The following ST18 variants were observed in gnomAD, a reference collection of about 807,000 sequenced individuals.
The protein encoded by ST18 is suppression of tumorigenicity 18 protein.
ST18 carries 50 observed loss-of-function variants against 110.0 expected under a neutral mutation model. The ratio of observed to expected loss-of-function variants is 0.45; its 90% confidence interval spans 0.36 to 0.58. The LOEUF (loss-of-function observed/expected upper bound fraction) is 0.58. ST18 is among the 20% of genes least tolerant of loss of function. ST18 has a pLI of 0.00. For synonymous variants in ST18, 461 were observed against 452.4 expected, an observed-to-expected ratio of 1.02 and a Z score of -0.24; for missense variants, 1,306 against 1,280.1, an observed-to-expected ratio of 1.02 and a Z score of -0.31.
rs940787328 is a variant in ST18, at chr8:52,123,391, A to G, written c.2755+2661T>C. ...AGGTGTGTTGGTTTACATCTACTTTAAAGATCATCCAGAGAACAATTATTG... is the reference window on the plus strand; with the variant it reads ...AGGTGTGTTGGTTTACATCTACTTTGAAGATCATCCAGAGAACAATTATTG... On this transcript the variant is annotated intron_variant, in intron 23 of 25. Coordinates refer to ENST00000689386, the MANE Select transcript of ST18 (RefSeq NM_001352837.2). Among the ~76,000 whole-genome samples the G allele has an allele frequency of 2.0e-5, 3 of 152,228 alleles. No individual in the cohort carries two copies. In the East Asian group the frequency reaches 5.8e-4, roughly 29 times the overall value.
At chr8:52,217,342 A>G (rs1050514324) in intron 6 of ST18, among the ~76,000 whole-genome samples, 9 of 152,164 alleles carry the variant, frequency 5.9e-5, no homozygotes, top group Non-Finnish European at 1.2e-4. Context: ...AGTAAGGGTA[A>G]ACTCTGCCAC....
At chr8:52,304,504 G>A (rs2139595030) in intron 2 of ST18, among the ~76,000 whole-genome samples, 2 of 152,250 alleles carry the variant, frequency 1.3e-5, no homozygotes, top group East Asian at 3.9e-4. Context: ...CTTACTGGAA[G>A]GAAATTATCT....
At chr8:52,278,569 C>G (rs893900346) in intron 2 of ST18, among the ~76,000 whole-genome samples, 3 of 152,100 alleles carry the variant, frequency 2.0e-5, no homozygotes, top group African/African-American at 7.2e-5. Context: ...CTACCCCCAA[C>G]CCCTGCTCCT....
intron 2 of ST18, among the ~76,000 whole-genome samples, chr8:52,338,706 G>T (rs1250218655): frequency 6.6e-6 from 1 of 151,944 alleles, no homozygotes; most frequent in African/African-American, 2.4e-5. Flanking sequence ...TTACAGGTGT[G>T]AGCCATCACA....
intron 2 of ST18, among the ~76,000 whole-genome samples, chr8:52,251,371 G>GTA (rs929811454): frequency 2.6e-5 from 4 of 151,988 alleles, no homozygotes; most frequent in African/African-American, 9.7e-5. Context: ...ATGTATAGAT[G>GTA]TATATATATG....
chr8:52,232,752 A>G (rs1008882160), intron 2 of ST18, among the ~76,000 whole-genome samples: 1 of 152,072 alleles, frequency 6.6e-6, no homozygotes, highest in African/African-American at 2.4e-5. Flanking sequence ...TTTAGGAAGA[A>G]GGAAATAATA....
At chr8:52,165,041 T>A (rs2062497839) in intron 12 of ST18, 94 bp downstream of exon 12, 1 of 1,225,708 alleles carries the variant, frequency 8.2e-7, no homozygotes, top group African/African-American at 1.5e-5. Flanking sequence ...GATGCAGCAA[T>A]TTTCATCACA....
chr8:52,197,796 A>T (rs1010583134), intron 8 of ST18, among the ~76,000 whole-genome samples: 4 of 152,140 alleles, frequency 2.6e-5, no homozygotes, highest in African/African-American at 9.7e-5. Flanking sequence ...GCAGAAATAC[A>T]GACACAGCAC....
intron 7 of ST18, 125 bp from the exon 8 acceptor site, chr8:52,212,234 T>C: frequency 1.2e-6 from 1 of 844,944 alleles, no homozygotes; most frequent in Non-Finnish European, 1.8e-6. Context: ...GGGTTCATCT[T>C]TTCTTGTTCT....
intron 2 of ST18, among the ~76,000 whole-genome samples, chr8:52,359,303 A>G (rs1824610063): frequency 6.6e-6 from 1 of 152,098 alleles, no homozygotes; most frequent in Admixed American, 6.5e-5. Context: ...GAATCTACTA[A>G]ATGCCACTGA....
intron 2 of ST18, among the ~76,000 whole-genome samples, chr8:52,273,138 C>T (rs1256566386): frequency 6.6e-6 from 1 of 152,032 alleles, no homozygotes; most frequent in Non-Finnish European, 1.5e-5. Flanking sequence ...GCCAAAAAGC[C>T]CATCTGAATT....
In ST18 at chr8:52,317,556, G is replaced by C. The variant is rs538255515; in HGVS notation, c.-464-87479C>G. Among the ~76,000 whole-genome samples, 19 of 152,278 alleles carry C rather than the reference G, an allele frequency of 1.2e-4. 1 individual carries two copies. The highest frequency in any genetic ancestry group is 4.6e-4 in the African/African-American group (19 of 41,566). ...GTGGTAATTTGTTAAATCAGCCCTA[G>C]GAAATTATTATATTGCTGGACCTGA... On this transcript the variant is annotated intron_variant, in intron 2 of 25. Coordinates refer to ENST00000689386, the MANE Select transcript of ST18 (RefSeq NM_001352837.2).
At chr8:52,401,167 A>G (rs1842718545) in intron 2 of ST18, among the ~76,000 whole-genome samples, 1 of 151,982 alleles carries the variant, frequency 6.6e-6, no homozygotes, top group African/African-American at 2.4e-5. Context: ...CTGGCTTGCA[A>G]GGTTTCTGCT....
intron 8 of ST18, among the ~76,000 whole-genome samples, chr8:52,209,751 C>T (rs148223527): frequency 0.16 from 14,680 of 94,126 alleles, 1,037 homozygotes; most frequent in Middle Eastern, 0.41. Flanking sequence ...GCTTGGGCAA[C>T]AAGAGCGAAA....
intron 2 of ST18, among the ~76,000 whole-genome samples, chr8:52,309,520 C>CAAAA (rs756214451): frequency 0.011 from 403 of 37,758 alleles, 21 homozygotes; most frequent in African/African-American, 0.033. Context: ...GACTCCATCT[C>CAAAA]AAAAAAAAAA....
intron 2 of ST18, among the ~76,000 whole-genome samples, chr8:52,402,700 C>T (rs529771866): frequency 6.6e-6 from 1 of 152,262 alleles, no homozygotes; most frequent in East Asian, 1.9e-4. Flanking sequence ...GGTGCAGTGG[C>T]AGCAAGGACC....
chr8:52,381,965 A>T (rs1834679283), intron 2 of ST18, among the ~76,000 whole-genome samples: 1 of 23,912 alleles, frequency 4.2e-5, no homozygotes, highest in Admixed American at 1.1e-3. Flanking sequence ...TATATGCTGC[A>T]TTAAAAAACA....
At chr8:52,206,880 T>G (rs1399366037) in intron 8 of ST18, 1 of 152,196 alleles carries the variant, frequency 6.6e-6, no homozygotes, top group East Asian at 1.9e-4. Context: ...TCCCTTCTTT[T>G]CTCTAACTTC....
intron 2 of ST18, among the ~76,000 whole-genome samples, chr8:52,330,394 A>G (rs1351186222): frequency 6.6e-6 from 1 of 152,210 alleles, no homozygotes; most frequent in Non-Finnish European, 1.5e-5. Flanking sequence ...AAATAATAAG[A>G]GTCTTCTAGG....
Sources: allele counts gnomAD v4.1 joint callset (sites outside exome capture counted in the v4.1 genomes callset), GRCh38; gene constraint gnomAD v4.1.1; transcripts MANE v1.5; gene names NCBI Gene and HGNC (gene_info 2026-07-23, HGNC 2026-07-21).